ABCA6: variants seen among roughly 807,000 people sequenced by gnomAD.
ABCA6 encodes ATP-binding cassette sub-family A member 6.
Under a neutral mutation model 191.2 loss-of-function variants are expected in ABCA6, and 164 were observed. That is an observed-to-expected ratio of 0.86 (90% confidence interval 0.76 to 0.98). ABCA6 has a LOEUF of 0.98. Ranked by LOEUF, ABCA6 falls within the 50% of genes least tolerant of loss-of-function variation. ABCA6 has a pLI of 0.00. For synonymous variants in ABCA6, 636 were observed against 647.7 expected (o/e 0.98, Z 0.27); for missense variants, 1,958 against 1,894.1 (o/e 1.03, Z -0.63).
chr17:69,129,440 A>C (rs932673178), intron 7 of ABCA6, among the ~76,000 whole-genome samples, 170 bp downstream of exon 7: 3 of 152,180 alleles, frequency 2.0e-5, no homozygotes, highest in Admixed American at 6.5e-5. Flanking sequence ...TTTGGATTAC[A>C]TAACTTTTTC....
chr17:69,091,726 T>G (rs2072927521), intron 25 of ABCA6, among the ~76,000 whole-genome samples: 1 of 26,852 alleles, frequency 3.7e-5, no homozygotes, highest in Non-Finnish European at 8.5e-5. Flanking sequence ...GTTTCACCGT[T>G]TTAGCCGGGA....
intron 15 of ABCA6, 83 bp from the exon 16 acceptor site, chr17:69,112,356 C>A: frequency 9.5e-7 from 1 of 1,057,848 alleles, no homozygotes; most frequent in South Asian, 1.3e-5. Context: ...AGCCAAGGCT[C>A]AGAAGTGCAA....
intron 4 of ABCA6, 54 bp downstream of exon 4, chr17:69,136,038 C>A (rs1190156234): frequency 5.9e-6 from 9 of 1,537,730 alleles, no homozygotes; most frequent in Non-Finnish European, 7.1e-6. Context: ...CTCCTCTGTT[C>A]TTTATGTTGA....
chr17:69,078,919 TACATAAA>T lies in ABCA6; in HGVS notation c.*47_*53del. ...TAAAATTAAACATACTATTAATTAT[TACATAAA>T]ACATGAGTTTATAGGAGATCAACAA... On this transcript the variant is annotated 3_prime_UTR_variant, in exon 39 of 39. Transcript: ENST00000284425. The T allele has an allele frequency of 9.9e-7, 1 of 1,009,308 alleles. No individual in the cohort carries two copies. Among genetic ancestry groups the T allele is most frequent in the Non-Finnish European group, 1.4e-6 (1 of 691,442 alleles). The allele number at this position is 1,009,308 out of a possible 1,614,324, so 62.5% of individuals were successfully genotyped here.
intron 34 of ABCA6, 92 bp from the exon 35 acceptor site, chr17:69,083,423 C>T: frequency 9.2e-6 from 12 of 1,304,578 alleles, no homozygotes; most frequent in Non-Finnish European, 1.2e-5. Flanking sequence ...TATTCAGATC[C>T]TAATGCAAAA....
At chr17:69,099,221 G>A in intron 22 of ABCA6, among the ~76,000 whole-genome samples, 1 of 152,046 alleles carries the variant, frequency 6.6e-6, no homozygotes, top group East Asian at 1.9e-4. Context: ...ACCACCTCAT[G>A]GATATAATTA....
At chr17:69,103,427 T>C (rs568590396) in intron 20 of ABCA6, among the ~76,000 whole-genome samples, 1 of 152,336 alleles carries the variant, frequency 6.6e-6, no homozygotes, top group South Asian at 2.1e-4. Flanking sequence ...TTTTACTTTA[T>C]TCTAAACATT....
rs1295577767 is a variant in ABCA6 at position 69,084,251 on chromosome 17, T to A, written c.4355+10A>T. Reference sequence around the variant, plus strand: ...GCATGCTCGCAGCTCTGGGGTATAATGATGCTCACCACATTTGCTGCTGCC... The same window carrying A: ...GCATGCTCGCAGCTCTGGGGTATAAAGATGCTCACCACATTTGCTGCTGCC... On this transcript the variant is annotated intron_variant, in intron 34 of 38. Transcript: ENST00000284425. 6.2e-7 allele frequency: 1 copy of A among 1,613,622 alleles called. No homozygotes were observed. Among genetic ancestry groups the A allele is most frequent in the Non-Finnish European group, 8.5e-7 (1 of 1,179,662 alleles).
intron 30 of ABCA6, 72 bp downstream of exon 30, chr17:69,086,546 G>GAA: frequency 1.3e-6 from 1 of 785,960 alleles, no homozygotes; most frequent in East Asian, 3.3e-5. Flanking sequence ...GAGTAAAACT[G>GAA]TGCCTATGAC....
intron 29 of ABCA6, among the ~76,000 whole-genome samples, chr17:69,086,962 C>T (rs2072810899): frequency 6.6e-6 from 1 of 152,120 alleles, no homozygotes; most frequent in Admixed American, 6.5e-5. Flanking sequence ...GGTGGCTAAC[C>T]TCATGGAACC....
chr17:69,140,714 C>T lies in ABCA6; in HGVS notation c.-11G>A, dbSNP rs752417552. ...CTGTTTCATATTCATTTAGCCTATT[C>T]GCTGAAGGAGAAAGTAATCATGGTG... On this transcript the variant is annotated 5_prime_UTR_variant, in exon 2 of 39. Transcript: ENST00000284425. 1.2e-5 allele frequency: 18 copies of T among 1,532,792 alleles called. No homozygotes were observed. Among genetic ancestry groups the T allele is most frequent in the South Asian group, 6.5e-5 (5 of 77,400 alleles). The allele number at this position is 1,532,792 out of a possible 1,614,324, so 94.9% of individuals were successfully genotyped here. A position where few individuals can be genotyped will look rare whatever the true frequency, so the allele number is the denominator to read the frequency against.
At position 69,107,719 on chromosome 17, in the gene ABCA6, T is replaced by TA; in HGVS notation, c.2365_2366insT (p.Glu789ValfsTer24). 6.2e-7 allele frequency: 1 copy of TA among 1,610,378 alleles called. No homozygotes were observed. Among genetic ancestry groups the TA allele is most frequent in the South Asian group, 1.1e-5 (1 of 90,616 alleles). On this transcript the variant is annotated frameshift_variant, in exon 18 of 39. Coordinates refer to ENST00000284425, the MANE Select transcript of ABCA6 (RefSeq NM_080284.3). LOFTEE classifies it high-confidence loss of function. Reference sequence around the variant, plus strand: ...ACCTTGTTCGATAGTTGACTGTCCTTCCAGTTTCATAAAGACTTCATTTAG... The same window carrying TA: ...ACCTTGTTCGATAGTTGACTGTCCTTACCAGTTTCATAAAGACTTCATTTAG...
At chr17:69,080,311 G>C (rs1251179815) in intron 37 of ABCA6, among the ~76,000 whole-genome samples, 1 of 152,068 alleles carries the variant, frequency 6.6e-6, no homozygotes, top group Admixed American at 6.6e-5. Flanking sequence ...TAGATATGCA[G>C]GGATTGAGTA....
At chr17:69,082,380 C>A (rs1382413755) in intron 36 of ABCA6, among the ~76,000 whole-genome samples, 3 of 151,888 alleles carry the variant, frequency 2.0e-5, no homozygotes. Flanking sequence ...TGGGCATGCA[C>A]ACACACATAC....
At position 69,096,768 on chromosome 17, in the gene ABCA6, G is replaced by C. The variant is rs749258359; in HGVS notation, c.3154C>G (p.Leu1052Val). The C allele has an allele frequency of 2.6e-6, 4 of 1,548,538 alleles. No homozygotes were observed. In the South Asian group the frequency reaches 5.2e-5, roughly 20 times the overall value. Residue 1052 changes from leucine to valine, a missense_variant, in exon 24 of 39, where the codon CTC becomes GTC. By Grantham distance (32) the Leu-to-Val change is conservative (BLOSUM62 1). Coordinates refer to ENST00000284425, the MANE Select transcript of ABCA6 (RefSeq NM_080284.3). Reference sequence around the variant, plus strand: ...CCACACCAGTAAGCAGAAGTGTAGAGGCCTGAAATCCATAGCTGGGACTTA... The same window carrying C: ...CCACACCAGTAAGCAGAAGTGTAGACGCCTGAAATCCATAGCTGGGACTTA... The part of the protein sequence containing the change: ...NAKSQLWISG[L>V]YTSAYWCGQA...
intron 11 of ABCA6, among the ~76,000 whole-genome samples, chr17:69,116,723 C>T (rs976134384): frequency 1.3e-5 from 2 of 151,970 alleles, no homozygotes; most frequent in Admixed American, 1.3e-4. Flanking sequence ...AAAAGTGTGT[C>T]CCAAAGGTGT....
intron 7 of ABCA6, among the ~76,000 whole-genome samples, chr17:69,129,207 G>A (rs897083991): frequency 6.6e-6 from 1 of 152,086 alleles, no homozygotes; most frequent in African/African-American, 2.4e-5. Context: ...GGAGTGAAAC[G>A]AGAAGTAAGT....
chr17:69,136,161 C>T lies in ABCA6; in HGVS notation c.391G>A (p.Glu131Lys), dbSNP rs778990359. 2.5e-6 allele frequency: 4 copies of T among 1,606,240 alleles called. No homozygotes were observed. The South Asian group carries it at 3.3e-5, about 13-fold the overall frequency. The change falls in exon 4 of 39, where the codon GAA becomes AAA. Residue 131 changes from glutamate (E) to lysine (K), a missense_variant. By Grantham distance (56) the Glu-to-Lys change is moderately conservative (BLOSUM62 1). Coordinates refer to ENST00000284425, the MANE Select transcript of ABCA6 (RefSeq NM_080284.3). ...AATATTAACTTATAAGAGAAAGTTT[C>T]ATTAAAGATGATTCCCATAGCATAT... ...LPYAMGIIFN[E>K]TFSYKLIFFQ...
At chr17:69,122,489 C>T (rs1223021995) in intron 10 of ABCA6, among the ~76,000 whole-genome samples, 1 of 151,960 alleles carries the variant, frequency 6.6e-6, no homozygotes, top group East Asian at 1.9e-4. Flanking sequence ...TCATAACAAC[C>T]CTACAAAGTC....
Sources: gnomAD v4.1 joint callset for allele counts (sites outside exome capture counted in the v4.1 genomes callset) on GRCh38, gnomAD v4.1.1 for gene constraint, MANE v1.5 for transcripts, NCBI Gene and HGNC (gene_info 2026-07-23, HGNC 2026-07-21) for gene names.